Variants in SGSM1 observed in about 807,000 individuals in gnomAD.
SGSM1 encodes RUN and TBC1 domain containing 2.
In SGSM1, 73 loss-of-function variants were observed where a neutral mutation model predicts 133.8. That is an observed-to-expected ratio of 0.55 (90% CI 0.45 to 0.66). The LOEUF (loss-of-function observed/expected upper bound fraction) is 0.66. SGSM1 is among the 30% of genes least tolerant of loss of function. SGSM1 has a pLI of 0.00. For synonymous variants in SGSM1, 563 were observed against 573.0 expected (o/e 0.98, Z 0.25); for missense variants, 1,213 against 1,448.1 (o/e 0.84, Z 2.64).
rs974642136 is a variant in SGSM1, at chr22:24,893,086, G to C, written c.1771-345G>C. Among the ~76,000 whole-genome samples, 13 of 151,268 alleles carry C rather than the reference G, an allele frequency of 8.6e-5. No homozygotes were observed. The South Asian group carries it at 1.7e-3, about 20-fold the overall frequency. On this transcript the variant is annotated intron_variant, in intron 16 of 24. Transcript: ENST00000400358. Reference sequence around the variant, plus strand: ...AGGAAGGAAGGAAGGAAGCGGAGGGGGGGGAGGGAAAGAAAAATAGAAACA... The same window carrying C: ...AGGAAGGAAGGAAGGAAGCGGAGGGCGGGGAGGGAAAGAAAAATAGAAACA...
intron 5 of SGSM1, among the ~76,000 whole-genome samples, chr22:24,853,769 A>ATTTTTTTTT (rs57736929): frequency 9.2e-4 from 113 of 123,346 alleles, no homozygotes; most frequent in Non-Finnish European, 1.3e-3. Context: ...CGCCTGGTGA[A>ATTTTTTTTT]TTTTTTTTTT....
intron 12 of SGSM1, among the ~76,000 whole-genome samples, chr22:24,876,264 C>G (rs910297423): frequency 6.6e-6 from 1 of 152,212 alleles, no homozygotes; most frequent in Non-Finnish European, 1.5e-5. Context: ...GTGAGCATGA[C>G]TAAGTGACAA....
chr22:24,919,896 C>T lies in SGSM1; in HGVS notation c.3096C>T (p.His1032=), dbSNP rs754289563. The T allele has an allele frequency of 1.2e-6, 2 of 1,614,072 alleles. No homozygotes were observed. The highest frequency in any genetic ancestry group is 1.1e-5 in the South Asian group (1 of 91,088). ...IWAAKHVSSA[H]YVLFIALALV... is the part of the protein sequence containing the mutation. ...CAGCCAAACACGTCTCCTCTGCGCACTACGTCCTGTTCATTGCGCTGGCTC... is the reference window on the plus strand; with the variant it reads ...CAGCCAAACACGTCTCCTCTGCGCATTACGTCCTGTTCATTGCGCTGGCTC... The change falls in exon 24 of 25, where the codon CAC becomes CAT. Residue 1032 remains histidine (H), a synonymous_variant. Coordinates refer to ENST00000400358, the MANE Select transcript of SGSM1 (RefSeq NM_001098497.3).
rs1435770471 is a variant in SGSM1, at chr22:24,850,444, A to C, written c.455+12A>C. ...GTGGAAAACAGCAGGTGAGAGGGAA[A>C]GACCTGACACCTGGCCATGCTCTGC... On this transcript the variant is annotated intron_variant, in intron 5 of 24. Coordinates refer to ENST00000400358, the MANE Select transcript of SGSM1 (RefSeq NM_001098497.3). 6.2e-7 allele frequency: 1 copy of C among 1,613,456 alleles called. No homozygotes were observed. Among genetic ancestry groups the C allele is most frequent in the Non-Finnish European group, 8.5e-7 (1 of 1,179,616 alleles).
intron 2 of SGSM1, among the ~76,000 whole-genome samples, chr22:24,830,573 G>T (rs1165894741): frequency 2.0e-5 from 3 of 152,052 alleles, no homozygotes; most frequent in Non-Finnish European, 4.4e-5. Context: ...TAAGGTGGGT[G>T]GGAGGAAGGA....
intron 2 of SGSM1, among the ~76,000 whole-genome samples, chr22:24,819,921 C>T (rs959562323): frequency 1.3e-5 from 2 of 152,174 alleles, no homozygotes; most frequent in Non-Finnish European, 1.5e-5. Flanking sequence ...CTCCACGCCC[C>T]CAAGTTTGGC....
intron 18 of SGSM1, among the ~76,000 whole-genome samples, chr22:24,896,949 C>A (rs532499069): frequency 6.6e-6 from 1 of 152,000 alleles, no homozygotes; most frequent in African/African-American, 2.4e-5. Flanking sequence ...TTCACTCCAG[C>A]CTGGGCAACA....
At chr22:24,868,631 G>A in intron 11 of SGSM1, 92 bp downstream of exon 11, 1 of 1,609,280 alleles carries the variant, frequency 6.2e-7, no homozygotes, top group Non-Finnish European at 8.5e-7. Flanking sequence ...TGGCTATGTG[G>A]CCTCATGCGC....
At chr22:24,878,245 A>G (rs1932131733) in intron 13 of SGSM1, among the ~76,000 whole-genome samples, 1 of 152,170 alleles carries the variant, frequency 6.6e-6, no homozygotes, top group South Asian at 2.1e-4. Context: ...GAGAAATTCC[A>G]AGTAACTCTT....
At chr22:24,879,404 G>A in intron 13 of SGSM1, 58 bp from the exon 14 acceptor site, 1 of 1,572,204 alleles carries the variant, frequency 6.4e-7, no homozygotes, top group African/African-American at 1.3e-5. Context: ...ATCCTCTCCA[G>A]AAAATCTGGG....
chr22:24,816,417 C>CTTTTCT (rs1555919129), intron 2 of SGSM1, among the ~76,000 whole-genome samples: 3 of 130,102 alleles, frequency 2.3e-5, no homozygotes, highest in African/African-American at 8.4e-5. Context: ...TTTTTTCTTT[C>CTTTTCT]TTTTTTTTTT....
Position 24,905,874 on chromosome 22 carries a change from G to A in SGSM1, c.2818+687G>A, listed in dbSNP as rs182351483. On this transcript the variant is annotated intron_variant, in intron 21 of 24. Coordinates refer to ENST00000400358, the MANE Select transcript of SGSM1 (RefSeq NM_001098497.3). ...TCAAAAACGTAGAAAAGGAAGGAAT[G>A]CTTCTTAACTCATTCAATAAAGCCA... 1.1e-4 allele frequency among the ~76,000 whole-genome samples: 16 copies of A among 151,768 alleles called. No individual in the cohort carries two copies. The South Asian group carries it at 2.7e-3, about 26-fold the overall frequency.
At chr22:24,818,951 C>G (rs1326731023) in intron 2 of SGSM1, among the ~76,000 whole-genome samples, 1 of 151,842 alleles carries the variant, frequency 6.6e-6, no homozygotes, top group African/African-American at 2.4e-5. Context: ...TCGAGACAAT[C>G]CTGGCTAACA....
chr22:24,868,384 G>A lies in SGSM1; in HGVS notation c.1003G>A (p.Gly335Ser), dbSNP rs768071926. The A allele has an allele frequency of 5.0e-6, 8 of 1,608,276 alleles. No individual in the cohort carries two copies. The highest frequency in any genetic ancestry group is 1.3e-5 in the African/African-American group (1 of 74,810). The stretch of plus-strand genomic sequence containing the variant: ...GCTGGTGGTGGCGGCAGTTGACAGC[G>A]GCGGGACAGTGGTATTGGTCAGCCA... ...YLHCHQQVDSGGTVVLVSQDG... is the reference protein window; with the variant it reads ...YLHCHQQVDSSGTVVLVSQDG... Residue 335 changes from glycine (G) to serine (S), a missense_variant, in exon 11 of 25, where the codon GGC becomes AGC. Coordinates refer to ENST00000400358, the MANE Select transcript of SGSM1 (RefSeq NM_001098497.3).
At chr22:24,875,008 G>A (rs370706920) in intron 12 of SGSM1, among the ~76,000 whole-genome samples, 1 of 152,214 alleles carries the variant, frequency 6.6e-6, no homozygotes, top group East Asian at 1.9e-4. Flanking sequence ...ACATCGTACA[G>A]GCAGCTTCCT....
intron 9 of SGSM1, among the ~76,000 whole-genome samples, chr22:24,863,361 G>A (rs1427709069): frequency 6.6e-6 from 1 of 152,186 alleles, no homozygotes; most frequent in East Asian, 1.9e-4. Context: ...GTTTCACCAT[G>A]TTGGCCAGGA....
intron 16 of SGSM1, among the ~76,000 whole-genome samples, chr22:24,887,107 T>TTGTGTGTATGTG (rs1932651635): frequency 6.9e-6 from 1 of 145,212 alleles, no homozygotes; most frequent in Admixed American, 7.0e-5. Context: ...TTGTACTTAT[T>TTGTGTGTATGTG]TGTGTGTGTG....
chr22:24,926,902 G>T lies in SGSM1; in HGVS notation c.*2628G>T, dbSNP rs1227070943. Reference sequence around the variant, plus strand: ...TTGAAAGAAAAAAATGCTTGCTTCTGAGGACTGTGTCCTCCCACTCACACC... The same window carrying T: ...TTGAAAGAAAAAAATGCTTGCTTCTTAGGACTGTGTCCTCCCACTCACACC... On this transcript the variant is annotated 3_prime_UTR_variant, in exon 25 of 25. Coordinates refer to ENST00000400358, the MANE Select transcript of SGSM1 (RefSeq NM_001098497.3). 2.7e-5 allele frequency: 4 copies of T among 150,154 alleles called. No individual in the cohort carries two copies. In the East Asian group the frequency reaches 5.8e-4, roughly 22 times the overall value. The allele number at this position is 150,154 out of a possible 1,614,324, so 9.3% of individuals were successfully genotyped here.
intron 2 of SGSM1, among the ~76,000 whole-genome samples, chr22:24,810,365 G>A (rs111306977): frequency 2.6e-4 from 39 of 150,324 alleles, no homozygotes; most frequent in African/African-American, 9.3e-4. Flanking sequence ...CTCTGTCCTC[G>A]GTACCACCAA....
Sources: allele counts gnomAD v4.1 joint callset (sites outside exome capture counted in the v4.1 genomes callset), GRCh38; gene constraint gnomAD v4.1.1; transcripts MANE v1.5; gene names NCBI Gene and HGNC (gene_info 2026-07-23, HGNC 2026-07-21).